Variants in RASSF8 observed in about 807,000 individuals in gnomAD.
The protein encoded by RASSF8 is ras association domain-containing protein 8.
A neutral mutation model predicts 48.5 loss-of-function variants in RASSF8; 22 were observed. The ratio of observed to expected loss-of-function variants is 0.45; its 90% CI spans 0.32 to 0.65. The LOEUF is 0.65. Among genes scored for constraint, RASSF8 ranks in the 30% least tolerant of loss-of-function variants. RASSF8 has a pLI of 0.03. For synonymous variants in RASSF8, 127 were observed against 171.5 expected, an observed-to-expected ratio of 0.74 and a Z score of 2.03; for missense variants, 418 against 489.2, an observed-to-expected ratio of 0.85 and a Z score of 1.37.
At chr12:25,974,396 G>A (rs1388711809) in intron 1 of RASSF8, among the ~76,000 whole-genome samples, 1 of 151,988 alleles carries the variant, frequency 6.6e-6, no homozygotes, top group Non-Finnish European at 1.5e-5. Flanking sequence ...CATTGAATTG[G>A]AACATGTTTT....
chr12:26,031,901 TATA>T (rs1943037988), intron 2 of RASSF8, among the ~76,000 whole-genome samples: 1 of 152,222 alleles, frequency 6.6e-6, no homozygotes, highest in East Asian at 1.9e-4. Context: ...ATGTTTTGCT[TATA>T]AATATGTTTC....
In RASSF8 at chr12:26,016,206, GTTT is replaced by G. The variant is rs35863199; in HGVS notation, c.-109+21089_-109+21091del. Among the ~76,000 whole-genome samples the G allele has an allele frequency of 5.1e-3, 738 of 144,104 alleles. 8 individuals are homozygous for G. Among genetic ancestry groups the G allele is most frequent in the African/African-American group, 0.018 (705 of 39,370 alleles). 94.5% of individuals were successfully genotyped at this position (144,104 alleles called of 152,430 possible). A position where few individuals can be genotyped will look rare whatever the true frequency, so the allele number is the denominator to read the frequency against. ...TGGAGTTATTAAGGGCTGTTTTTGG[GTTT>G]TTTTTTTTTTTTATTTGTTTGTTTG... On this transcript the variant is annotated intron_variant, in intron 2 of 5. Coordinates refer to ENST00000689635, the MANE Select transcript of RASSF8 (RefSeq NM_001394098.1).
chr12:26,028,288 C>A (rs1183008221), intron 2 of RASSF8, among the ~76,000 whole-genome samples: 1 of 152,036 alleles, frequency 6.6e-6, no homozygotes, highest in Admixed American at 6.5e-5. Flanking sequence ...CGTACTTTTC[C>A]TATGTAGTTA....
At chr12:26,015,845 T>C (rs1420075988) in intron 2 of RASSF8, among the ~76,000 whole-genome samples, 2 of 127,572 alleles carry the variant, frequency 1.6e-5, no homozygotes, top group Non-Finnish European at 3.7e-5. Flanking sequence ...TTCTCTTTTT[T>C]CTTTATTGAT....
chr12:26,043,205 T>TC (rs1943303043), intron 2 of RASSF8, among the ~76,000 whole-genome samples: 1 of 152,088 alleles, frequency 6.6e-6, no homozygotes, highest in African/African-American at 2.4e-5. Context: ...AGTGGCCACC[T>TC]CCACACCAAA....
At chr12:25,990,459 T>C (rs1941988793) in intron 1 of RASSF8, among the ~76,000 whole-genome samples, 1 of 152,230 alleles carries the variant, frequency 6.6e-6, no homozygotes, top group African/African-American at 2.4e-5. Context: ...TAAAGGTTTA[T>C]TATATAAATA....
intron 1 of RASSF8, chr12:25,973,757 G>A (rs1283344229): frequency 6.6e-6 from 1 of 152,166 alleles, no homozygotes; most frequent in African/African-American, 2.4e-5. Context: ...CTTCTACCAT[G>A]TGAGGACACA....
At chr12:26,014,098 A>G (rs376101055) in intron 2 of RASSF8, among the ~76,000 whole-genome samples, 13 of 152,370 alleles carry the variant, frequency 8.5e-5, no homozygotes, top group African/African-American at 2.9e-4. Context: ...GCCTTTGTAC[A>G]GCAGGTATAG....
intron 2 of RASSF8, among the ~76,000 whole-genome samples, chr12:26,009,648 G>T (rs76234864): frequency 0.037 from 5,675 of 152,268 alleles, 137 homozygotes; most frequent in African/African-American, 0.06. Flanking sequence ...AGACTGAGAA[G>T]GAACCCCAGT....
At chr12:26,030,462 G>A (rs1213514993) in intron 2 of RASSF8, among the ~76,000 whole-genome samples, 2 of 152,090 alleles carry the variant, frequency 1.3e-5, no homozygotes, top group Non-Finnish European at 2.9e-5. Context: ...CACTTGTCCG[G>A]ATAAGATGGA....
downstream of RASSF8, among the ~76,000 whole-genome samples, chr12:26,076,387 G>A (rs1944073308): frequency 6.6e-6 from 1 of 152,028 alleles, no homozygotes; most frequent in South Asian, 2.1e-4. Context: ...TTTACATTGG[G>A]CATTTCTCCT....
intron 2 of RASSF8, among the ~76,000 whole-genome samples, chr12:26,004,384 G>A (rs1444695289): frequency 6.6e-6 from 1 of 152,134 alleles, no homozygotes; most frequent in Admixed American, 6.6e-5. Flanking sequence ...AAAGAGCAGT[G>A]TGTTCCTGTC....
Position 26,069,376 on chromosome 12 carries a change from G to C in RASSF8, c.*558G>C. 1.0e-6 allele frequency: 1 copy of C among 985,118 alleles called. No homozygotes were observed. Among genetic ancestry groups the C allele is most frequent in the Non-Finnish European group, 1.2e-6 (1 of 829,654 alleles). The allele number at this position is 985,118 out of a possible 1,614,324, so 61.0% of individuals were successfully genotyped here. ...ACTCCACAGGAAGCCACTTGCATTTGTTTTGTGAAACTGTCCTAGCCATTG... is the reference window on the plus strand; with the variant it reads ...ACTCCACAGGAAGCCACTTGCATTTCTTTTGTGAAACTGTCCTAGCCATTG... On this transcript the variant is annotated 3_prime_UTR_variant, in exon 6 of 6. Transcript: ENST00000689635.
chr12:25,964,605 T>G (rs1565595316), intron 1 of RASSF8, among the ~76,000 whole-genome samples: 1 of 152,196 alleles, frequency 6.6e-6, no homozygotes, highest in Non-Finnish European at 1.5e-5. Context: ...GAAAATCGCT[T>G]AAGACTAAAT....
downstream of RASSF8, among the ~76,000 whole-genome samples, chr12:26,073,826 AC>A (rs1425393139): frequency 7.4e-5 from 8 of 108,450 alleles, no homozygotes; most frequent in Admixed American, 2.7e-4. Context: ...ACACATACAC[AC>A]ACACACACAC....
chr12:25,994,911 A>T (rs565835034), intron 1 of RASSF8, 126 bp from the exon 2 acceptor site: 2 of 152,370 alleles, frequency 1.3e-5, no homozygotes, highest in East Asian at 3.9e-4. Context: ...GAAAATTCTT[A>T]GGAAAATTAT....
At position 25,996,794 on chromosome 12, in the gene RASSF8, C is replaced by T. The variant is rs995770844; in HGVS notation, c.-109+1664C>T. Among the ~76,000 whole-genome samples, 4 of 152,222 alleles carry T rather than the reference C, an allele frequency of 2.6e-5. No individual in the cohort carries two copies. In the South Asian group the frequency reaches 6.2e-4, roughly 24 times the overall value. On this transcript the variant is annotated intron_variant, in intron 2 of 5. Coordinates refer to ENST00000689635, the MANE Select transcript of RASSF8 (RefSeq NM_001394098.1). The stretch of plus-strand genomic sequence containing the variant: ...CATTGAGGTACATTTGTACCTGAAA[C>T]TTAGAAAACTTGTTTGCCTCTGTTG...
chr12:26,065,250 G>C lies in RASSF8; in HGVS notation c.856G>C (p.Val286Leu). The change falls in exon 4 of 6, where the codon GTC (valine) becomes CTC (leucine). Residue 286 changes from valine (V) to leucine (L), a missense_variant. By Grantham distance (32) the Val-to-Leu change is conservative. Coordinates refer to ENST00000689635, the MANE Select transcript of RASSF8 (RefSeq NM_001394098.1). ...GCAACGGGAAGTTCAAGAGGCACAGGTCAATGAGGAAGAGGTTAAAGGAAA... is the reference window on the plus strand; with the variant it reads ...GCAACGGGAAGTTCAAGAGGCACAGCTCAATGAGGAAGAGGTTAAAGGAAA... ...KLQREVQEAQ[V>L]NEEEVKGKIG... 3 of 1,614,178 alleles carry C rather than the reference G, an allele frequency of 1.9e-6. No homozygotes were observed. The highest frequency in any genetic ancestry group is 2.5e-6 in the Non-Finnish European group (3 of 1,180,018).
At chr12:25,991,650 C>T (rs1284104809) in intron 1 of RASSF8, among the ~76,000 whole-genome samples, 1 of 152,146 alleles carries the variant, frequency 6.6e-6, no homozygotes, top group African/African-American at 2.4e-5. Flanking sequence ...AGCTCCTCAC[C>T]ATGTGGACCT....
Sources: allele counts gnomAD v4.1 joint callset (sites outside exome capture counted in the v4.1 genomes callset), GRCh38; gene constraint gnomAD v4.1.1; transcripts MANE v1.5; gene names NCBI Gene and HGNC (gene_info 2026-07-23, HGNC 2026-07-21).